DNM2: variants seen among roughly 807,000 people sequenced by gnomAD.
DNM2 encodes dynamin-2.
DNM2 carries 15 observed loss-of-function variants against 99.0 expected under a neutral mutation model. The ratio of observed to expected loss-of-function variants is 0.15; its 90% CI spans 0.10 to 0.23. DNM2 has a LOEUF of 0.23. Among genes scored for constraint, DNM2 ranks in the 10% least tolerant of loss-of-function variants. The probability of loss-of-function intolerance (pLI) is 1.00; values close to 1 mark genes in which losing one functional copy is unlikely to be tolerated. For synonymous variants in DNM2, 525 were observed against 481.2 expected, an observed-to-expected ratio of 1.09 and a Z score of -1.19; for missense variants, 742 against 1,189.4, an observed-to-expected ratio of 0.62 and a Z score of 5.53.
chr19:10,758,319 TTCCC>T (rs376185238), intron 1 of DNM2, among the ~76,000 whole-genome samples: 116 of 92,386 alleles, frequency 1.3e-3, no homozygotes, highest in South Asian at 2.9e-3. Context: ...CCCTCCTTCC[TTCCC>T]TCCCTCCTTC....
intron 1 of DNM2, among the ~76,000 whole-genome samples, chr19:10,746,727 G>GTTTTTTTTTT (rs757494612): frequency 6.9e-5 from 8 of 116,212 alleles, no homozygotes; most frequent in African/African-American, 1.0e-4. Context: ...CTTTTTTTTT[G>GTTTTTTTTTT]TTTTTTGTTT....
chr19:10,782,499 T>C (rs2071413010), intron 5 of DNM2, among the ~76,000 whole-genome samples: 2 of 152,046 alleles, frequency 1.3e-5, no homozygotes, highest in South Asian at 4.1e-4. Context: ...CCTGGGACTA[T>C]AGTCACGCGC....
In DNM2 at chr19:10,831,752, C is replaced by T; in HGVS notation, c.*705C>T. On this transcript the variant is annotated 3_prime_UTR_variant, in exon 21 of 21. Coordinates refer to ENST00000389253, the MANE Select transcript of DNM2 (RefSeq NM_001005361.3). This position sits in a 1 kb window ranked among gnomAD's most constrained non-coding sequence, Gnocchi z 4.3. ...TGGTGGCGGGGGGTCTTGGGGGCCT[C>T]TCAGCTCCCGCCCATGCCTCCCTGA... The T allele has an allele frequency of 2.0e-6, 2 of 986,522 alleles. No homozygotes were observed. Among genetic ancestry groups the T allele is most frequent in the Non-Finnish European group, 2.4e-6 (2 of 830,520 alleles). The allele number at this position is 986,522 out of a possible 1,614,324, so 61.1% of individuals were successfully genotyped here.
chr19:10,728,785 A>G (rs1190017634), intron 1 of DNM2, among the ~76,000 whole-genome samples: 1 of 151,516 alleles, frequency 6.6e-6, no homozygotes, highest in African/African-American at 2.4e-5. Context: ...CATCTCTACC[A>G]AAAATACAAA....
At chr19:10,746,739 T>TG (rs1599467278) in intron 1 of DNM2, among the ~76,000 whole-genome samples, 1 of 143,364 alleles carries the variant, frequency 7.0e-6, no homozygotes, top group South Asian at 2.3e-4. Context: ...TTTTTGTTTT[T>TG]TTTTTTTTTG....
rs1465159102 is a variant in DNM2 at position 10,830,768 on chromosome 19, G to C, written c.2544-210G>C. ...CGGTGGGGAAGCTGAGGCCCAGGGA[G>C]GGCAGGGGGCTCACTGAGGGTCAAA... On this transcript the variant is annotated intron_variant, in intron 20 of 20. Coordinates refer to ENST00000389253, the MANE Select transcript of DNM2 (RefSeq NM_001005361.3). This position sits in a 1 kb window ranked among gnomAD's most constrained non-coding sequence, Gnocchi z 4.8. Among the ~76,000 whole-genome samples, 1 of 152,176 alleles carries C rather than the reference G, an allele frequency of 6.6e-6. No individual in the cohort carries two copies. Among genetic ancestry groups the C allele is most frequent in the African/African-American group, 2.4e-5 (1 of 41,442 alleles).
In DNM2 at chr19:10,803,745, G is replaced by C. The variant is rs1209227902; in HGVS notation, c.1493+1387G>C. On this transcript the variant is annotated intron_variant, in intron 12 of 20. Transcript: ENST00000389253. ...CCTGGCTGGGTGGCCCCAGCCCTGG[G>C]TGGGACATCCCTGGGGCCCGCTGAA... 3.1e-6 allele frequency: 3 copies of C among 964,564 alleles called. No homozygotes were observed. The African/African-American group carries it at 5.3e-5, about 17-fold the overall frequency. 59.8% of individuals were successfully genotyped at this position (964,564 alleles called of 1,614,324 possible). A position where few individuals can be genotyped will look rare whatever the true frequency, so the allele number is the denominator to read the frequency against.
At chr19:10,827,357 A>G (rs1404214793) in intron 18 of DNM2, among the ~76,000 whole-genome samples, 1 of 152,178 alleles carries the variant, frequency 6.6e-6, no homozygotes, top group Non-Finnish European at 1.5e-5. Flanking sequence ...ATGATGTTTT[A>G]TAGCAGCCAA....
chr19:10,804,490 A>C (rs1180725828), intron 12 of DNM2, among the ~76,000 whole-genome samples: 1 of 152,132 alleles, frequency 6.6e-6, no homozygotes, highest in Non-Finnish European at 1.5e-5. Flanking sequence ...CAGGAGTTTG[A>C]GACCAGCCTG....
chr19:10,790,060 C>T (rs889847775), intron 7 of DNM2, among the ~76,000 whole-genome samples: 1 of 152,190 alleles, frequency 6.6e-6, no homozygotes, highest in African/African-American at 2.4e-5. Context: ...GCTGGGCCTT[C>T]TTGCTTTAGC....
At chr19:10,736,175 GAATCA>G (rs2069516510) in intron 1 of DNM2, among the ~76,000 whole-genome samples, 1 of 150,744 alleles carries the variant, frequency 6.6e-6, no homozygotes, top group South Asian at 2.1e-4. Flanking sequence ...TGAGGCAGGA[GAATCA>G]CTTGAACACG....
At chr19:10,722,702 T>C (rs1471043984) in intron 1 of DNM2, among the ~76,000 whole-genome samples, 1 of 151,522 alleles carries the variant, frequency 6.6e-6, no homozygotes, top group African/African-American at 2.4e-5. Flanking sequence ...CTCTGCTCAC[T>C]GCAGCCTTGA....
Position 10,830,777 on chromosome 19 carries a change from G to A in DNM2, c.2544-201G>A, listed in dbSNP as rs180734654. Among the ~76,000 whole-genome samples the A allele has an allele frequency of 1.2e-4, 18 of 152,248 alleles. 1 individual carries two copies. The East Asian group carries it at 2.9e-3, about 25-fold the overall frequency. Reference sequence around the variant, plus strand: ...AGCTGAGGCCCAGGGAGGGCAGGGGGCTCACTGAGGGTCAAACAGCAGGCG... The same window carrying A: ...AGCTGAGGCCCAGGGAGGGCAGGGGACTCACTGAGGGTCAAACAGCAGGCG... On this transcript the variant is annotated intron_variant, in intron 20 of 20. Transcript: ENST00000389253. The surrounding 1 kb of genome is among the most constrained non-coding windows in gnomAD (Gnocchi z 4.8).
chr19:10,732,367 G>C (rs1218317833), intron 1 of DNM2, among the ~76,000 whole-genome samples: 3 of 148,742 alleles, frequency 2.0e-5, no homozygotes, highest in Admixed American at 2.0e-4. Context: ...TTGGGAGGCC[G>C]AGGCGGGCGG....
At chr19:10,774,103 TG>T (rs1484143007) in intron 3 of DNM2, among the ~76,000 whole-genome samples, 1 of 152,232 alleles carries the variant, frequency 6.6e-6, no homozygotes, top group Admixed American at 6.5e-5. Context: ...AAACCTACCT[TG>T]TCAACCAGTT....
At chr19:10,790,658 G>C (rs1385966313) in intron 7 of DNM2, among the ~76,000 whole-genome samples, 2 of 152,092 alleles carry the variant, frequency 1.3e-5, no homozygotes, top group Non-Finnish European at 2.9e-5. Flanking sequence ...GTAAAGACAG[G>C]GGTTTCACCA....
chr19:10,744,336 CCGAGAGATA>C (rs1245318698), intron 1 of DNM2, among the ~76,000 whole-genome samples: 1 of 152,056 alleles, frequency 6.6e-6, no homozygotes, highest in Admixed American at 6.6e-5. Context: ...GCAGGATCTG[CCGAGAGATA>C]CGCTGTGGGG....
intron 2 of DNM2, among the ~76,000 whole-genome samples, chr19:10,771,607 C>G (rs891395066): frequency 5.3e-5 from 8 of 152,082 alleles, no homozygotes; most frequent in African/African-American, 1.9e-4. Context: ...TTTTGTGGAG[C>G]TGGAATGTGC....
Position 10,812,475 on chromosome 19 carries a change from C to A in DNM2, c.1671+98C>A. ...TGGGCAGAACTCAGTCACTGCGCCA[C>A]TCTGCCCTGAGTCACCATTAGGACT... is the stretch of plus-strand genomic sequence containing the variant. On this transcript the variant is annotated intron_variant, in intron 15 of 20. Coordinates refer to ENST00000389253, the MANE Select transcript of DNM2 (RefSeq NM_001005361.3). This position sits in a 1 kb window ranked among gnomAD's most constrained non-coding sequence, Gnocchi z 4.0. 2 of 1,005,506 alleles carry A rather than the reference C, an allele frequency of 2.0e-6. No individual in the cohort carries two copies. The highest frequency in any genetic ancestry group is 1.4e-5 in the South Asian group (1 of 73,038). 62.3% of individuals were successfully genotyped at this position (1,005,506 alleles called of 1,614,324 possible). A position where few individuals can be genotyped will look rare whatever the true frequency, so the allele number is the denominator to read the frequency against.
Sources: allele counts gnomAD v4.1 joint callset (sites outside exome capture counted in the v4.1 genomes callset), GRCh38; gene constraint gnomAD v4.1.1; non-coding constraint Gnocchi (gnomAD v3.1); transcripts MANE v1.5; gene names NCBI Gene and HGNC (gene_info 2026-07-23, HGNC 2026-07-21).